CACNA2D3: variants seen among roughly 807,000 people sequenced by gnomAD.
CACNA2D3 encodes the protein calcium voltage-gated channel auxiliary subunit alpha2delta 3.
A neutral mutation model predicts 160.6 loss-of-function variants in CACNA2D3; 60 were observed. That is an observed-to-expected ratio of 0.37 (90% CI 0.30 to 0.46). The LOEUF (loss-of-function observed/expected upper bound fraction) is 0.46. CACNA2D3 is among the 20% of genes least tolerant of loss of function. CACNA2D3 has a pLI of 1.00. For missense variants in CACNA2D3, 1,205 were observed against 1,365.0 expected (o/e 0.88, Z 1.85); for synonymous variants, 558 against 492.9 (o/e 1.13, Z -1.75).
At chr3:54,877,740 G>A (rs1271502438) in intron 18 of CACNA2D3, among the ~76,000 whole-genome samples, 2 of 152,178 alleles carry the variant, frequency 1.3e-5, no homozygotes, top group South Asian at 2.1e-4. Flanking sequence ...ACTGGGAGTT[G>A]GGGGTGGGGT....
chr3:54,995,052 C>A (rs994481701), intron 31 of CACNA2D3, among the ~76,000 whole-genome samples: 1 of 152,140 alleles, frequency 6.6e-6, no homozygotes, highest in Non-Finnish European at 1.5e-5. Flanking sequence ...TGGCTTACTG[C>A]AACCTCTGCC....
At chr3:54,126,358 A>G (rs1482830982) in intron 2 of CACNA2D3, among the ~76,000 whole-genome samples, 2 of 152,248 alleles carry the variant, frequency 1.3e-5, no homozygotes, top group African/African-American at 4.8e-5. Context: ...AATTTGAGGT[A>G]GCAGTATTGT....
intron 2 of CACNA2D3, among the ~76,000 whole-genome samples, chr3:54,242,671 G>A (rs1237533375): frequency 6.6e-6 from 1 of 152,114 alleles, no homozygotes; most frequent in Admixed American, 6.6e-5. Flanking sequence ...ACAAAGAGAC[G>A]ATTCAGGTCC....
chr3:54,372,297 CTG>C (rs1698938145), intron 3 of CACNA2D3, among the ~76,000 whole-genome samples: 1 of 152,154 alleles, frequency 6.6e-6, no homozygotes, highest in Non-Finnish European at 1.5e-5. Flanking sequence ...TGCCATTTCT[CTG>C]TGTGTCTTTT....
intron 11 of CACNA2D3, among the ~76,000 whole-genome samples, chr3:54,665,113 G>A (rs1700039200): frequency 6.6e-6 from 1 of 152,138 alleles, no homozygotes; most frequent in Admixed American, 6.5e-5. Context: ...TGCCCCAAGG[G>A]GAAGATATAT....
At chr3:54,611,462 G>C (rs1698747486) in intron 9 of CACNA2D3, among the ~76,000 whole-genome samples, 1 of 152,200 alleles carries the variant, frequency 6.6e-6, no homozygotes, top group Admixed American at 6.5e-5. Flanking sequence ...TTAGCCAGGT[G>C]CTCTTTTGTC....
intron 11 of CACNA2D3, among the ~76,000 whole-genome samples, chr3:54,751,292 G>A (rs748131689): frequency 2.3e-4 from 35 of 152,110 alleles, no homozygotes; most frequent in Non-Finnish European, 3.4e-4. Context: ...AAGCACAGAT[G>A]AGCACAGACT....
At chr3:54,838,703 T>A (rs1698749071) in intron 16 of CACNA2D3, 55 bp downstream of exon 16, 1 of 1,340,490 alleles carries the variant, frequency 7.5e-7, no homozygotes, top group African/African-American at 1.4e-5. Flanking sequence ...CAGAGCCTTG[T>A]TTTCACAAAG....
chr3:54,484,088 G>T (rs894933790), intron 4 of CACNA2D3, among the ~76,000 whole-genome samples: 2 of 152,158 alleles, frequency 1.3e-5, no homozygotes. Flanking sequence ...ATGGGTAGGA[G>T]GGTTTGAGTA....
intron 2 of CACNA2D3, among the ~76,000 whole-genome samples, chr3:54,162,083 C>T (rs920458307): frequency 2.0e-5 from 3 of 152,100 alleles, no homozygotes; most frequent in Non-Finnish European, 2.9e-5. Context: ...GGTCTGAAGG[C>T]GAGGACACTG....
intron 4 of CACNA2D3, among the ~76,000 whole-genome samples, chr3:54,432,898 A>ACTGGG (rs1445278526): frequency 1.3e-5 from 2 of 152,056 alleles, no homozygotes; most frequent in Admixed American, 6.6e-5. Context: ...ACCCAGGATG[A>ACTGGG]CTGGGTCTTG....
intron 13 of CACNA2D3, among the ~76,000 whole-genome samples, chr3:54,798,262 T>C (rs9810417): frequency 0.029 from 4,448 of 152,162 alleles, 213 homozygotes; most frequent in African/African-American, 0.1. Flanking sequence ...AGGCTGGGCA[T>C]GGTGGCCCAC....
At chr3:54,946,393 A>C (rs1229827872) in intron 27 of CACNA2D3, among the ~76,000 whole-genome samples, 1 of 152,198 alleles carries the variant, frequency 6.6e-6, no homozygotes, top group Non-Finnish European at 1.5e-5. Flanking sequence ...GGAACACCTG[A>C]GCTGTCACAT....
intron 13 of CACNA2D3, among the ~76,000 whole-genome samples, chr3:54,785,029 C>T (rs1312354087): frequency 6.6e-6 from 1 of 152,122 alleles, no homozygotes; most frequent in Non-Finnish European, 1.5e-5. Context: ...ACAAACAGAA[C>T]AAATCTAGCA....
intron 5 of CACNA2D3, among the ~76,000 whole-genome samples, chr3:54,536,939 C>T (rs569668032): frequency 1.3e-5 from 2 of 152,200 alleles, no homozygotes; most frequent in African/African-American, 4.8e-5. Flanking sequence ...CACCTCACCT[C>T]GGTGGCGGAG....
chr3:55,058,024 A>G (rs1245631515), intron 35 of CACNA2D3, among the ~76,000 whole-genome samples: 2 of 152,222 alleles, frequency 1.3e-5, no homozygotes, highest in African/African-American at 2.4e-5. Flanking sequence ...TTAAAAGTCT[A>G]AAACATTGCC....
At chr3:54,452,530 C>T (rs964753250) in intron 4 of CACNA2D3, among the ~76,000 whole-genome samples, 2 of 152,168 alleles carry the variant, frequency 1.3e-5, no homozygotes, top group Admixed American at 6.5e-5. Context: ...CTGTATTTCT[C>T]CCAGCAGTCT....
In CACNA2D3 at chr3:54,811,465, C is replaced by CTTTTTTT. The variant is rs71096451; in HGVS notation, c.1381-5344_1381-5338dup. ...GTGCTGATCCTGTTCTCCCTCAGTT[C>CTTTTTTT]TTTTTTTTTTTTTTTTTTTTTTTTT... On this transcript the variant is annotated intron_variant, in intron 13 of 37. Coordinates refer to ENST00000474759, the MANE Select transcript of CACNA2D3 (RefSeq NM_018398.3). 1.9e-4 allele frequency among the ~76,000 whole-genome samples: 21 copies of CTTTTTTT among 111,616 alleles called. 2 individuals are homozygous for CTTTTTTT. The highest frequency in any genetic ancestry group is 6.8e-4 in the South Asian group (2 of 2,926). 73.2% of individuals were successfully genotyped at this position (111,616 alleles called of 152,430 possible). A position where few individuals can be genotyped will look rare whatever the true frequency, so the allele number is the denominator to read the frequency against.
intron 3 of CACNA2D3, among the ~76,000 whole-genome samples, chr3:54,374,741 C>T (rs1372737591): frequency 6.6e-6 from 1 of 152,180 alleles, no homozygotes; most frequent in African/African-American, 2.4e-5. Flanking sequence ...AGTTCCATCA[C>T]TCTGCCTTTT....
Sources: gnomAD v4.1 joint callset for allele counts (sites outside exome capture counted in the v4.1 genomes callset) on GRCh38, gnomAD v4.1.1 for gene constraint, MANE v1.5 for transcripts, NCBI Gene and HGNC (gene_info 2026-07-23, HGNC 2026-07-21) for gene names.